Variants in DNM1L observed in about 807,000 individuals in gnomAD.
DNM1L encodes the protein dynamin-1-like protein.
In DNM1L, 33 loss-of-function variants were observed where a neutral mutation model predicts 92.8. The observed-to-expected ratio is 0.36, with a 90% CI of 0.27 to 0.48. The LOEUF (loss-of-function observed/expected upper bound fraction) is 0.48. DNM1L is among the 20% of genes least tolerant of loss of function. The pLI is 0.99. For synonymous variants in DNM1L, 284 were observed against 305.0 expected, an observed-to-expected ratio of 0.93 and a Z score of 0.72; for missense variants, 485 against 888.8, an observed-to-expected ratio of 0.55 and a Z score of 5.78.
chr12:32,693,932 C>T (rs2137262116), intron 1 of DNM1L, among the ~76,000 whole-genome samples: 1 of 152,232 alleles, frequency 6.6e-6, no homozygotes, highest in South Asian at 2.1e-4. Flanking sequence ...TGCCACCTCG[C>T]CTGGCCTTTC....
intron 1 of DNM1L, among the ~76,000 whole-genome samples, chr12:32,695,446 A>T (rs114436222): frequency 0.022 from 3,360 of 152,284 alleles, 86 homozygotes; most frequent in African/African-American, 0.067. Context: ...AAGAAAAATT[A>T]AAAAATTAAG....
At position 32,731,740 on chromosome 12, in the gene DNM1L, C is replaced by G; in HGVS notation, c.1357-114C>G. On this transcript the variant is annotated intron_variant, in intron 11 of 19. Transcript: ENST00000549701. This position sits in a 1 kb window ranked among gnomAD's most constrained non-coding sequence, Gnocchi z 5.1. ...GACTGTTAGCCTGGCATGGTGGCTT[C>G]TACATGTAGTCTCAGCTACTTGGGA... is the stretch of plus-strand genomic sequence containing the variant. The G allele has an allele frequency of 9.9e-7, 1 of 1,008,038 alleles. No individual in the cohort carries two copies. The highest frequency in any genetic ancestry group is 1.5e-6 in the Non-Finnish European group (1 of 657,390). The allele number at this position is 1,008,038 out of a possible 1,614,324, so 62.4% of individuals were successfully genotyped here.
chr12:32,714,597 A>C (rs570631915), intron 6 of DNM1L, among the ~76,000 whole-genome samples: 3 of 152,086 alleles, frequency 2.0e-5, no homozygotes, highest in Non-Finnish European at 4.4e-5. Flanking sequence ...TCAAGTTTTT[A>C]AGAAACTCTT....
intron 1 of DNM1L, among the ~76,000 whole-genome samples, chr12:32,684,679 G>C (rs1174273091): frequency 6.6e-6 from 1 of 152,150 alleles, no homozygotes; most frequent in Non-Finnish European, 1.5e-5. Context: ...ATGTTGGCCA[G>C]GCTGGTCTCG....
chr12:32,681,661 C>T (rs774671537), intron 1 of DNM1L, among the ~76,000 whole-genome samples: 2 of 137,422 alleles, frequency 1.5e-5, no homozygotes, highest in Non-Finnish European at 3.0e-5. Context: ...GGTTTGAATA[C>T]TAGTATACCA....
At chr12:32,707,104 A>C in intron 2 of DNM1L, 1 of 362,128 alleles carries the variant, frequency 2.8e-6, no homozygotes. Context: ...CTAGATTTCA[A>C]CTAGTGGGAA....
At chr12:32,737,244 T>C (rs972041652) in intron 14 of DNM1L, 83 bp downstream of exon 14, 9 of 1,429,008 alleles carry the variant, frequency 6.3e-6, no homozygotes, top group Admixed American at 1.9e-5. Context: ...CTAGGAGTAA[T>C]TTTTTCTTCT....
At chr12:32,726,450 C>T in intron 9 of DNM1L, 1 of 1,312,744 alleles carries the variant, frequency 7.6e-7, no homozygotes, top group Non-Finnish European at 1.1e-6. Context: ...TTCCTCATCT[C>T]CTTTGTCCTC....
At chr12:32,706,125 A>T (rs950213857) in intron 2 of DNM1L, 3 of 359,290 alleles carry the variant, frequency 8.3e-6, no homozygotes, top group Admixed American at 4.5e-5. Context: ...TAATAAGATA[A>T]ATTAGAAACA....
At chr12:32,718,286 C>T (rs190287317) in intron 6 of DNM1L, among the ~76,000 whole-genome samples, 179 of 151,196 alleles carry the variant, frequency 1.2e-3, no homozygotes, top group African/African-American at 4.1e-3. Flanking sequence ...GGATTACAGG[C>T]GTCTGCCACT....
intron 5 of DNM1L, among the ~76,000 whole-genome samples, chr12:32,711,806 C>T (rs1372074547): frequency 2.6e-5 from 4 of 152,048 alleles, no homozygotes; most frequent in Admixed American, 6.6e-5. Context: ...TTGCTTGAGC[C>T]TAGGAATTTG....
chr12:32,697,035 C>A (rs1257256120), intron 1 of DNM1L, among the ~76,000 whole-genome samples: 2 of 150,858 alleles, frequency 1.3e-5, no homozygotes, highest in Admixed American at 1.3e-4. Flanking sequence ...TTGAGACCAG[C>A]CTGGCCAACA....
At chr12:32,743,262 C>T (rs1378148959) in intron 19 of DNM1L, 92 bp from the exon 20 acceptor site, 3 of 1,131,576 alleles carry the variant, frequency 2.7e-6, no homozygotes, top group Non-Finnish European at 3.9e-6. Context: ...TATAAACCTA[C>T]CACATATATA....
At chr12:32,739,233 A>G (rs1291929799) in intron 16 of DNM1L, among the ~76,000 whole-genome samples, 1 of 152,148 alleles carries the variant, frequency 6.6e-6, no homozygotes, top group Non-Finnish European at 1.5e-5. Context: ...CCTCTATTAA[A>G]CTTATATAAT....
At chr12:32,679,662 G>T in intron 1 of DNM1L, 197 bp downstream of exon 1, 1 of 1,283,656 alleles carries the variant, frequency 7.8e-7, no homozygotes, top group Non-Finnish European at 9.8e-7. Flanking sequence ...TTGCATCAAG[G>T]CGGAGAATCC....
chr12:32,703,071 T>TA (rs1952777917), intron 2 of DNM1L, among the ~76,000 whole-genome samples: 1 of 151,204 alleles, frequency 6.6e-6, no homozygotes, highest in African/African-American at 2.4e-5. Context: ...TTTTTTTTTT[T>TA]AACTTTCCAT....
chr12:32,705,007 T>G (rs1428967744), intron 2 of DNM1L, among the ~76,000 whole-genome samples: 2 of 150,194 alleles, frequency 1.3e-5, no homozygotes, highest in East Asian at 3.9e-4. Context: ...AAAGTTTTTT[T>G]TTTTTTTTTT....
At chr12:32,701,328 G>C (rs1219722882) in intron 1 of DNM1L, 87 bp from the exon 2 acceptor site, 8 of 1,168,406 alleles carry the variant, frequency 6.8e-6, no homozygotes, top group Non-Finnish European at 8.6e-6. Flanking sequence ...AAATAATTCT[G>C]TATGCTGGTT....
intron 4 of DNM1L, among the ~76,000 whole-genome samples, chr12:32,710,011 G>T (rs1362301216): frequency 1.3e-5 from 2 of 152,120 alleles, no homozygotes; most frequent in East Asian, 1.9e-4. Context: ...GTGATGAGAG[G>T]ATATATTAAA....
Sources: gnomAD v4.1 joint callset for allele counts (sites outside exome capture counted in the v4.1 genomes callset) on GRCh38, gnomAD v4.1.1 for gene constraint, Gnocchi (gnomAD v3.1) non-coding constraint, MANE v1.5 for transcripts, NCBI Gene and HGNC (gene_info 2026-07-23, HGNC 2026-07-21) for gene names.